Variants in PTPRZ1 observed in about 807,000 individuals in gnomAD.
PTPRZ1 encodes protein tyrosine phosphatase receptor type Z1.
A neutral mutation model predicts 214.1 loss-of-function variants in PTPRZ1; 82 were observed. The ratio of observed to expected loss-of-function variants is 0.38; its 90% CI spans 0.32 to 0.46. The LOEUF is 0.46. PTPRZ1 is among the 20% of genes least tolerant of loss of function. The pLI is 1.00. For synonymous variants in PTPRZ1, 945 were observed against 987.9 expected (o/e 0.96, Z 0.81); for missense variants, 2,603 against 2,748.7 (o/e 0.95, Z 1.19).
intron 6 of PTPRZ1, among the ~76,000 whole-genome samples, chr7:121,980,708 A>G (rs1797579618): frequency 6.6e-6 from 1 of 152,252 alleles, no homozygotes; most frequent in Non-Finnish European, 1.5e-5. Flanking sequence ...AAAAGTTAAC[A>G]TTTACTAATT....
chr7:121,969,103 T>A (rs1797135599), intron 3 of PTPRZ1, among the ~76,000 whole-genome samples: 1 of 152,018 alleles, frequency 6.6e-6, no homozygotes, highest in Non-Finnish European at 1.5e-5. Context: ...CTGGGTGTGG[T>A]GGCACACTCC....
Position 121,976,783 on chromosome 7 carries a change from A to G in PTPRZ1, c.553-2A>G. On this transcript the variant is annotated splice_acceptor_variant, in intron 5 of 29. Transcript: ENST00000393386. LOFTEE classifies it high-confidence loss of function. Reference sequence around the variant, plus strand: ...TTTTAGAATGTGATTCTTTTTTAACAGGTTGGGACAGAAGAAAATTTGGAT... The same window carrying G: ...TTTTAGAATGTGATTCTTTTTTAACGGGTTGGGACAGAAGAAAATTTGGAT... The G allele has an allele frequency of 6.3e-7, 1 of 1,585,122 alleles. No homozygotes were observed. Among genetic ancestry groups the G allele is most frequent in the Non-Finnish European group, 8.6e-7 (1 of 1,166,298 alleles).
chr7:122,042,361 T>C (rs1799756922), intron 21 of PTPRZ1, among the ~76,000 whole-genome samples: 2 of 152,198 alleles, frequency 1.3e-5, no homozygotes, highest in Admixed American at 1.3e-4. Context: ...CTCCAACAGA[T>C]ATAGTGAGGT....
At chr7:121,938,211 A>G (rs1796142762) in intron 2 of PTPRZ1, among the ~76,000 whole-genome samples, 1 of 152,220 alleles carries the variant, frequency 6.6e-6, no homozygotes, top group Non-Finnish European at 1.5e-5. Context: ...TTATTATCAA[A>G]CAAGCATTAA....
At position 122,013,257 on chromosome 7, in the gene PTPRZ1, A is replaced by G. The variant is rs1198890945; in HGVS notation, c.4211A>G (p.His1404Arg). The change falls in exon 12 of 30, where the codon CAT becomes CGT. Residue 1404 changes from histidine to arginine, a missense_variant. His to Arg is a conservative substitution (Grantham distance 29, BLOSUM62 0). Transcript: ENST00000393386. ...TCTAAGGCAACTTCTGAGCTGAGTCATAGTGCCAAATCTGATGCCGGTTTA... is the reference window on the plus strand; with the variant it reads ...TCTAAGGCAACTTCTGAGCTGAGTCGTAGTGCCAAATCTGATGCCGGTTTA... ...FPSKATSELS[H>R]SAKSDAGLVG... The G allele has an allele frequency of 8.7e-6, 14 of 1,614,042 alleles. No homozygotes were observed. The highest frequency in any genetic ancestry group is 2.7e-5 in the African/African-American group (2 of 74,924).
intron 12 of PTPRZ1, among the ~76,000 whole-genome samples, 167 bp downstream of exon 12, chr7:122,014,056 A>G (rs1380215857): frequency 6.6e-6 from 1 of 152,226 alleles, no homozygotes; most frequent in Non-Finnish European, 1.5e-5. Flanking sequence ...AATTTTATTT[A>G]TTATTTCAAA....
intron 20 of PTPRZ1, among the ~76,000 whole-genome samples, chr7:122,040,462 C>A (rs1799690279): frequency 6.6e-6 from 1 of 152,100 alleles, no homozygotes; most frequent in Non-Finnish European, 1.5e-5. Context: ...GTTCTTACAG[C>A]CTTCAAGTGG....
At chr7:121,981,220 A>G (rs1797601775) in intron 6 of PTPRZ1, among the ~76,000 whole-genome samples, 1 of 152,130 alleles carries the variant, frequency 6.6e-6, no homozygotes, top group Admixed American at 6.5e-5. Flanking sequence ...ACACTAGCCT[A>G]CTACCCTGCA....
intron 8 of PTPRZ1, 111 bp downstream of exon 8, chr7:121,984,228 T>G (rs1797702517): frequency 1.0e-6 from 1 of 972,864 alleles, no homozygotes; most frequent in Admixed American, 3.1e-5. Context: ...ATGTTTTAAT[T>G]ATTAATTTTG....
rs1379157441 is a variant in PTPRZ1, at chr7:122,059,579, G to T, written c.6672-174G>T. 7.3e-6 allele frequency: 5 copies of T among 685,628 alleles called. No homozygotes were observed. In the South Asian group the frequency reaches 9.4e-5, roughly 13 times the overall value. The allele number at this position is 685,628 out of a possible 1,614,324, so 42.5% of individuals were successfully genotyped here. A position where few individuals can be genotyped will look rare whatever the true frequency, so the allele number is the denominator to read the frequency against. On this transcript the variant is annotated intron_variant, in intron 28 of 29. Transcript: ENST00000393386. Reference sequence around the variant, plus strand: ...CCACTATTGATATCATGAACACTTGGCAATATTTCAGATTAAATCATAGTT... The same window carrying T: ...CCACTATTGATATCATGAACACTTGTCAATATTTCAGATTAAATCATAGTT...
At chr7:121,927,552 A>G (rs1326515419) in intron 1 of PTPRZ1, among the ~76,000 whole-genome samples, 5 of 152,122 alleles carry the variant, frequency 3.3e-5, no homozygotes, top group African/African-American at 9.7e-5. Flanking sequence ...TTCCCATTGC[A>G]TTACCTAACT....
intron 26 of PTPRZ1, among the ~76,000 whole-genome samples, 180 bp from the exon 27 acceptor site, chr7:122,054,761 T>C (rs1292996076): frequency 4.6e-5 from 7 of 152,112 alleles, no homozygotes; most frequent in Non-Finnish European, 5.9e-5. Context: ...CTAAGTGTGA[T>C]ATTTTATTCA....
At chr7:121,930,073 T>C (rs1214284876) in intron 2 of PTPRZ1, among the ~76,000 whole-genome samples, 1 of 152,056 alleles carries the variant, frequency 6.6e-6, no homozygotes, top group Non-Finnish European at 1.5e-5. Context: ...TTATTAGCCA[T>C]TTGCACTATA....
At chr7:121,977,709 A>ATT (rs767899317) in intron 6 of PTPRZ1, among the ~76,000 whole-genome samples, 5 of 137,158 alleles carry the variant, frequency 3.6e-5, no homozygotes, top group Non-Finnish European at 4.8e-5. Context: ...GGTAGCTTTT[A>ATT]TTTTTTTTTT....
chr7:122,029,469 C>T (rs1239153524), intron 14 of PTPRZ1, among the ~76,000 whole-genome samples: 1 of 151,542 alleles, frequency 6.6e-6, no homozygotes. Flanking sequence ...AAAGTGGCAA[C>T]AAAAAATAGT....
chr7:122,030,078 G>C (rs1482411724), intron 14 of PTPRZ1, among the ~76,000 whole-genome samples: 2 of 151,804 alleles, frequency 1.3e-5, no homozygotes, highest in Admixed American at 6.6e-5. Context: ...GTCCAACATG[G>C]TTTATTTTTA....
Position 122,012,225 on chromosome 7 carries a change from A to C in PTPRZ1, c.3179A>C (p.Asn1060Thr), listed in dbSNP as rs529791225. 3 of 1,613,854 alleles carry C rather than the reference A, an allele frequency of 1.9e-6. No homozygotes were observed. Among genetic ancestry groups the C allele is most frequent in the Non-Finnish European group, 2.5e-6 (3 of 1,179,826 alleles). ...ACTGAACTGCAAATTCCTTCTTTCA[A>C]TGAGATGGTTTACCCTTCTGAAAGC... ...NETELQIPSF[N>T]EMVYPSESTV... Residue 1060 changes from asparagine (N) to threonine (T), a missense_variant, in exon 12 of 30, where the codon AAT becomes ACT. By Grantham distance (65) the Asn-to-Thr change is moderately conservative. Coordinates refer to ENST00000393386, the MANE Select transcript of PTPRZ1 (RefSeq NM_002851.3).
intron 1 of PTPRZ1, among the ~76,000 whole-genome samples, chr7:121,882,481 A>G (rs1794272233): frequency 6.6e-6 from 1 of 152,176 alleles, no homozygotes; most frequent in South Asian, 2.1e-4. Context: ...AGAAACATGG[A>G]CTGAAAGTGA....
rs1799396800 is a variant in PTPRZ1 at position 122,032,105 on chromosome 7, T to C, written c.5166+546T>C. ...CCAATGATATTCTGTTAAAATACTC[T>C]TAGACAGAAGGGCAGAGAAATTTAC... On this transcript the variant is annotated intron_variant, in intron 15 of 29. Coordinates refer to ENST00000393386, the MANE Select transcript of PTPRZ1 (RefSeq NM_002851.3). 3 of 152,180 alleles carry C rather than the reference T, an allele frequency of 2.0e-5. No individual in the cohort carries two copies. The South Asian group carries it at 6.2e-4, about 31-fold the overall frequency. 9.4% of individuals were successfully genotyped at this position (152,180 alleles called of 1,614,324 possible).
Sources: allele counts gnomAD v4.1 joint callset (sites outside exome capture counted in the v4.1 genomes callset), GRCh38; gene constraint gnomAD v4.1.1; transcripts MANE v1.5; gene names NCBI Gene and HGNC (gene_info 2026-07-23, HGNC 2026-07-21).